Variants in DYNC2I2 observed in about 807,000 individuals in gnomAD.
DYNC2I2 encodes the protein cytoplasmic dynein 2 intermediate chain 2.
DYNC2I2 carries 39 observed loss-of-function variants against 52.0 expected under a neutral mutation model. The ratio of observed to expected loss-of-function variants is 0.75; its 90% confidence interval spans 0.58 to 0.98. DYNC2I2 has a LOEUF of 0.98. Ranked by LOEUF, DYNC2I2 falls within the 50% of genes least tolerant of loss-of-function variation. The pLI is 0.00. For synonymous variants in DYNC2I2, 359 were observed against 321.1 expected (o/e 1.12, Z -1.26); for missense variants, 743 against 728.4 (o/e 1.02, Z -0.23).
chr9:128,663,649 C>CTTTTTTTTT, the DYNC2I2 span: 1 of 77,128 alleles, frequency 1.3e-5, no homozygotes, highest in African/African-American at 4.2e-5. Context: ...TAGTTTTTTT[C>CTTTTTTTTT]TTTTTTTTTT....
intron 1 of DYNC2I2, among the ~76,000 whole-genome samples, chr9:128,644,439 ATTT>A (rs1860575268): frequency 6.6e-6 from 1 of 151,872 alleles, no homozygotes; most frequent in African/African-American, 2.4e-5. Context: ...CACCTGGCTG[ATTT>A]TTTAAAAGAA....
Position 128,653,693 on chromosome 9 carries a change from G to A in DYNC2I2, c.186+2848C>T, listed in dbSNP as rs899659947. ...ATCACGCCATTGCACTCCAGCCTAG[G>A]CCACAGAGCGAGACTCTGTCTCCAA... is the stretch of plus-strand genomic sequence containing the variant. On this transcript the variant is annotated intron_variant, in intron 1 of 8. Coordinates refer to ENST00000372715, the MANE Select transcript of DYNC2I2 (RefSeq NM_052844.4). 1.6e-4 allele frequency among the ~76,000 whole-genome samples: 24 copies of A among 147,954 alleles called. 2 individuals are homozygous for A. The highest frequency in any genetic ancestry group is 6.4e-4 in the African/African-American group (24 of 37,668).
the DYNC2I2 span, among the ~76,000 whole-genome samples, chr9:128,682,973 G>C: frequency 2.0e-5 from 3 of 150,288 alleles, no homozygotes; most frequent in Non-Finnish European, 3.0e-5. Context: ...ACTGCGCCCG[G>C]CTGGGACCTT....
At chr9:128,683,991 C>A in the DYNC2I2 span, 1 of 1,554,030 alleles carries the variant, frequency 6.4e-7, no homozygotes, top group East Asian at 2.4e-5. Context: ...CCTCTGCAGG[C>A]TTGCCGAAGA....
chr9:128,678,380 TAA>T, the DYNC2I2 span, among the ~76,000 whole-genome samples: 1 of 148,250 alleles, frequency 6.7e-6, no homozygotes, highest in Admixed American at 6.8e-5. Context: ...ATTTTTTTTT[TAA>T]AAGAGGCCAG....
the DYNC2I2 span, among the ~76,000 whole-genome samples, chr9:128,669,733 G>A: frequency 6.6e-6 from 1 of 152,146 alleles, no homozygotes; most frequent in Non-Finnish European, 1.5e-5. Flanking sequence ...GGCTGGTGAT[G>A]AGTGGCACAA....
At chr9:128,671,214 A>G in the DYNC2I2 span, among the ~76,000 whole-genome samples, 1 of 151,216 alleles carries the variant, frequency 6.6e-6, no homozygotes, top group Non-Finnish European at 1.5e-5. Context: ...TGGGAGGGTC[A>G]CTTGAGCCCA....
chr9:128,684,101 C>G, the DYNC2I2 span: 1 of 953,986 alleles, frequency 1.0e-6, no homozygotes, highest in Non-Finnish European at 1.6e-6. Flanking sequence ...GAGATGTGAC[C>G]CCTAAGCACC....
upstream of DYNC2I2, among the ~76,000 whole-genome samples, chr9:128,658,132 A>T (rs1860870269): frequency 6.6e-6 from 1 of 151,866 alleles, no homozygotes; most frequent in Non-Finnish European, 1.5e-5. Context: ...TAATAAAAAA[A>T]TTCTAAAAAA....
chr9:128,634,377 G>C lies in DYNC2I2; in HGVS notation c.1221C>G (p.Leu407=). 1.3e-6 allele frequency: 2 copies of C among 1,587,060 alleles called. No homozygotes were observed. Among genetic ancestry groups the C allele is most frequent in the South Asian group, 1.2e-5 (1 of 86,606 alleles). ...SVSCSPFHRN[L]FLSAGTDGHV... Reference sequence around the variant, plus strand: ...GCCCGTCAGTCCCAGCGCTCAGGAAGAGATTCCTAGACGGGATGCAGGGGG... The same window carrying C: ...GCCCGTCAGTCCCAGCGCTCAGGAACAGATTCCTAGACGGGATGCAGGGGG... The change falls in exon 8 of 9, where the codon CTC becomes CTG. Residue 407 remains leucine (L), a synonymous_variant. Transcript: ENST00000372715.
the DYNC2I2 span, among the ~76,000 whole-genome samples, chr9:128,680,314 G>C: frequency 6.6e-6 from 1 of 151,888 alleles, no homozygotes; most frequent in Non-Finnish European, 1.5e-5. Flanking sequence ...TCCAGCCTCG[G>C]CCTCCCAAAG....
At chr9:128,658,761 G>A (rs1860884989), upstream of DYNC2I2, among the ~76,000 whole-genome samples, 1 of 123,026 alleles carries the variant, frequency 8.1e-6, no homozygotes, top group Non-Finnish European at 1.6e-5. Flanking sequence ...GGGTCTGGCT[G>A]TGTCACCAGG....
chr9:128,667,114 G>A, the DYNC2I2 span, among the ~76,000 whole-genome samples: 2 of 150,444 alleles, frequency 1.3e-5, no homozygotes, highest in Admixed American at 6.7e-5. Flanking sequence ...CAGGAGAATC[G>A]CTTGAACCCG....
At chr9:128,671,167 T>C in the DYNC2I2 span, among the ~76,000 whole-genome samples, 3 of 150,860 alleles carry the variant, frequency 2.0e-5, no homozygotes, top group Non-Finnish European at 4.4e-5. Context: ...CTGGGCACAG[T>C]GATGAGCACC....
At chr9:128,679,898 T>G in the DYNC2I2 span, among the ~76,000 whole-genome samples, 1 of 152,042 alleles carries the variant, frequency 6.6e-6, no homozygotes, top group Non-Finnish European at 1.5e-5. Flanking sequence ...AAACCTAAGA[T>G]TCATGAATGA....
upstream of DYNC2I2, among the ~76,000 whole-genome samples, chr9:128,659,461 C>T (rs1170576328): frequency 6.7e-6 from 1 of 149,364 alleles, no homozygotes. Flanking sequence ...CACCACTGCA[C>T]TCCAGCCTGG....
At chr9:128,635,457 C>T (rs181569026) in intron 5 of DYNC2I2, 198 bp from the exon 6 acceptor site, 68 of 801,912 alleles carry the variant, frequency 8.5e-5, no homozygotes, top group Admixed American at 3.6e-4. Flanking sequence ...GCTGCTCACT[C>T]GGTGCCTGCA....
chr9:128,656,209 A>C (rs75427963), intron 1 of DYNC2I2, among the ~76,000 whole-genome samples: 4 of 111,264 alleles, frequency 3.6e-5, no homozygotes, highest in African/African-American at 8.3e-5. Context: ...GACCCTGTTC[A>C]AAAAAAAAAA....
intron 1 of DYNC2I2, among the ~76,000 whole-genome samples, chr9:128,653,938 G>C (rs899742311): frequency 1.3e-5 from 2 of 152,148 alleles, no homozygotes. Flanking sequence ...GTGAACCCAG[G>C]AGACAGAGCT....
Sources: gnomAD v4.1 joint callset for allele counts (sites outside exome capture counted in the v4.1 genomes callset) on GRCh38, gnomAD v4.1.1 for gene constraint, MANE v1.5 for transcripts, NCBI Gene and HGNC (gene_info 2026-07-23, HGNC 2026-07-21) for gene names.